The following ZDHHC13 variants were observed in gnomAD, a reference collection of about 807,000 sequenced individuals.
The protein encoded by ZDHHC13 is palmitoyltransferase ZDHHC13.
A neutral mutation model predicts 86.0 loss-of-function variants in ZDHHC13; 85 were observed. The ratio of observed to expected loss-of-function variants is 0.99; its 90% CI spans 0.83 to 1.18. The LOEUF is 1.18. Ranked by LOEUF, ZDHHC13 falls within the 50% of genes most tolerant of loss-of-function variation. The pLI is 0.00. For missense variants in ZDHHC13, 711 were observed against 730.2 expected, an observed-to-expected ratio of 0.97 and a Z score of 0.30; for synonymous variants, 263 against 246.4, an observed-to-expected ratio of 1.07 and a Z score of -0.63.
In ZDHHC13 at chr11:19,144,654, T is replaced by C. The variant is rs187939024; in HGVS notation, c.174-1527T>C. On this transcript the variant is annotated intron_variant, in intron 2 of 16. Transcript: ENST00000446113. ...ACACACACACGCACACACACACGCG[T>C]GTATTTTGGTAAGGCAGAAATTATT... Among the ~76,000 whole-genome samples, 1,040 of 152,144 alleles carry C rather than the reference T, an allele frequency of 6.8e-3. 8 individuals carry two copies. The highest frequency in any genetic ancestry group is 0.024 in the African/African-American group (982 of 41,510).
chr11:19,124,251 G>A (rs965159120), intron 1 of ZDHHC13, among the ~76,000 whole-genome samples: 21 of 152,068 alleles, frequency 1.4e-4, no homozygotes, highest in Admixed American at 1.4e-3. Context: ...TGTATATAAT[G>A]TGATACTATT....
intron 11 of ZDHHC13, 73 bp from the exon 12 acceptor site, chr11:19,164,228 A>T: frequency 6.9e-7 from 1 of 1,458,768 alleles, no homozygotes; most frequent in South Asian, 1.2e-5. Flanking sequence ...GAGAACTGTG[A>T]GAATGGTGTA....
At chr11:19,172,611 A>G in intron 15 of ZDHHC13, 112 bp from the exon 16 acceptor site, 1 of 743,744 alleles carries the variant, frequency 1.3e-6, no homozygotes, top group Non-Finnish European at 2.0e-6. Flanking sequence ...TCAAGGAGAT[A>G]CTAAGGAGAA....
chr11:19,172,702 C>A, intron 15 of ZDHHC13, 21 bp from the exon 16 acceptor site: 2 of 1,566,546 alleles, frequency 1.3e-6, no homozygotes, highest in Middle Eastern at 3.3e-4. Flanking sequence ...ATGTGTGCAA[C>A]CTTCCACCCT....
chr11:19,143,556 AT>A (rs1181792173), intron 2 of ZDHHC13, among the ~76,000 whole-genome samples: 36 of 152,356 alleles, frequency 2.4e-4, no homozygotes, highest in Non-Finnish European at 4.6e-4. Flanking sequence ...ATTTATAGAT[AT>A]TTTTAAAAAT....
intron 11 of ZDHHC13, 76 bp downstream of exon 11, chr11:19,163,503 A>G: frequency 7.3e-7 from 1 of 1,365,004 alleles, no homozygotes; most frequent in Non-Finnish European, 9.5e-7. Flanking sequence ...ACATATGCAG[A>G]TGTGTTGCTT....
rs539204446 is a variant in ZDHHC13, at chr11:19,139,510, A to G, written c.28-3468A>G. 8.2e-5 allele frequency among the ~76,000 whole-genome samples: 10 copies of G among 121,902 alleles called. No homozygotes were observed. In the East Asian group the frequency reaches 1.8e-3, roughly 22 times the overall value. 80.0% of individuals were successfully genotyped at this position (121,902 alleles called of 152,430 possible). A position where few individuals can be genotyped will look rare whatever the true frequency, so the allele number is the denominator to read the frequency against. On this transcript the variant is annotated intron_variant, in intron 1 of 16. Transcript: ENST00000446113. ...ATGCCCAAGGTAATTTACAGATTCAATGCCATCCCCATCAAGCTACCAATG... is the reference window on the plus strand; with the variant it reads ...ATGCCCAAGGTAATTTACAGATTCAGTGCCATCCCCATCAAGCTACCAATG...
At chr11:19,159,129 C>T (rs747570337) in intron 10 of ZDHHC13, 89 bp downstream of exon 10, 8 of 865,122 alleles carry the variant, frequency 9.2e-6, no homozygotes, top group African/African-American at 1.7e-5. Flanking sequence ...TTGGAAAAGG[C>T]CCAGGGAATG....
chr11:19,123,620 C>A (rs1324738060), intron 1 of ZDHHC13, among the ~76,000 whole-genome samples: 2 of 152,038 alleles, frequency 1.3e-5, no homozygotes, highest in African/African-American at 2.4e-5. Flanking sequence ...GCACTCCAGC[C>A]TGGGTGACGG....
chr11:19,140,131 C>T (rs1242533180), intron 1 of ZDHHC13, among the ~76,000 whole-genome samples: 2 of 149,604 alleles, frequency 1.3e-5, no homozygotes, highest in African/African-American at 5.0e-5. Context: ...AACAGGCAAC[C>T]TACAACATGG....
At position 19,146,170 on chromosome 11, in the gene ZDHHC13, T is replaced by TC. The variant is rs766828378; in HGVS notation, c.174-10dup. ...ATTGTATCAATTATGCTTTTTTTTT[T>TC]CTTCTTTGAGATACGGAATTTTTGA... On this transcript the variant is annotated splice_polypyrimidine_tract_variant and intron_variant, in intron 2 of 16. Transcript: ENST00000446113. 6.4e-7 allele frequency: 1 copy of TC among 1,555,686 alleles called. No homozygotes were observed. Among genetic ancestry groups the TC allele is most frequent in the Non-Finnish European group, 8.7e-7 (1 of 1,154,266 alleles).
intron 16 of ZDHHC13, among the ~76,000 whole-genome samples, chr11:19,175,364 TG>T (rs1448631803): frequency 8.8e-6 from 1 of 113,156 alleles, no homozygotes; most frequent in African/African-American, 3.5e-5. Context: ...CACTCCAGCC[TG>T]GGTGACAGAG....
intron 16 of ZDHHC13, among the ~76,000 whole-genome samples, chr11:19,173,346 AC>A (rs1255671992): frequency 1.3e-5 from 2 of 152,156 alleles, no homozygotes; most frequent in Non-Finnish European, 2.9e-5. Context: ...TGTATAAAAC[AC>A]GTTTTCAGTT....
chr11:19,157,821 A>G (rs1382032839), intron 9 of ZDHHC13, among the ~76,000 whole-genome samples: 1 of 152,248 alleles, frequency 6.6e-6, no homozygotes, highest in Non-Finnish European at 1.5e-5. Flanking sequence ...GCATATGACA[A>G]CTTTATTCAT....
chr11:19,155,691 A>G, intron 8 of ZDHHC13, 105 bp from the exon 9 acceptor site: 2 of 1,210,420 alleles, frequency 1.7e-6, no homozygotes, highest in Non-Finnish European at 2.2e-6. Flanking sequence ...TTGTTGTTGT[A>G]TTAATTGTTA....
intron 1 of ZDHHC13, among the ~76,000 whole-genome samples, chr11:19,119,172 G>A (rs142009694): frequency 0.043 from 6,572 of 151,898 alleles, 257 homozygotes; most frequent in East Asian, 0.21. Flanking sequence ...GTGCAGTGGC[G>A]CGATCTCGGC....
At chr11:19,125,627 A>C (rs188303224) in intron 1 of ZDHHC13, among the ~76,000 whole-genome samples, 1 of 152,338 alleles carries the variant, frequency 6.6e-6, no homozygotes, top group Admixed American at 6.5e-5. Flanking sequence ...TGTTCACACA[A>C]AAGTTTGTCC....
At chr11:19,117,124 G>T, upstream of ZDHHC13, 1 of 1,036,908 alleles carries the variant, frequency 9.6e-7, no homozygotes, top group Non-Finnish European at 1.4e-6. This position sits in a 1 kb window ranked among gnomAD's most constrained non-coding sequence, Gnocchi z 4.2. Flanking sequence ...GCACGAGCGG[G>T]GACCGCAGCG....
intron 1 of ZDHHC13, among the ~76,000 whole-genome samples, chr11:19,130,027 G>A (rs1418367648): frequency 6.6e-6 from 1 of 152,038 alleles, no homozygotes; most frequent in Non-Finnish European, 1.5e-5. Context: ...GGCAGAGCTT[G>A]CAGTGAGCCG....
Sources: allele counts gnomAD v4.1 joint callset (sites outside exome capture counted in the v4.1 genomes callset), GRCh38; gene constraint gnomAD v4.1.1; non-coding constraint Gnocchi (gnomAD v3.1); transcripts MANE v1.5; gene names NCBI Gene and HGNC (gene_info 2026-07-23, HGNC 2026-07-21).